MAF: variants seen among roughly 807,000 people sequenced by gnomAD.
The protein encoded by MAF is MAF bZIP transcription factor, also known as transcription factor Maf.
In MAF, 10 loss-of-function variants were observed where a neutral mutation model predicts 22.0. The observed-to-expected ratio is 0.45, with a 90% confidence interval of 0.28 to 0.77. The LOEUF (loss-of-function observed/expected upper bound fraction) is 0.77. MAF is among the 30% of genes least tolerant of loss of function. MAF has a pLI of 0.12. For synonymous variants in MAF, 337 were observed against 255.8 expected (o/e 1.32, Z -3.03); for missense variants, 544 against 548.4 (o/e 0.99, Z 0.08).
At chr16:79,582,484 A>C (rs8048274), downstream of MAF, among the ~76,000 whole-genome samples, 44,292 of 152,142 alleles carry the variant, frequency 0.29, 7,281 homozygotes, top group East Asian at 0.48. Context: ...AAATAATACA[A>C]GTTTATATGG....
the MAF span, among the ~76,000 whole-genome samples, chr16:79,226,045 T>C: frequency 1.3e-5 from 2 of 152,138 alleles, no homozygotes; most frequent in African/African-American, 4.8e-5. Flanking sequence ...ACCCAAAGGA[T>C]TATAAATCAT....
At chr16:79,229,505 G>C in the MAF span, 1 of 152,094 alleles carries the variant, frequency 6.6e-6, no homozygotes, top group Non-Finnish European at 1.5e-5. Context: ...GAGAGCAAGG[G>C]ACTCATAAAA....
At chr16:79,467,620 G>C in the MAF span, among the ~76,000 whole-genome samples, 2 of 152,132 alleles carry the variant, frequency 1.3e-5, no homozygotes, top group Non-Finnish European at 2.9e-5. Context: ...GAGAGCAGCA[G>C]CATCAACATT....
At chr16:79,495,941 A>C in the MAF span, among the ~76,000 whole-genome samples, 12 of 152,284 alleles carry the variant, frequency 7.9e-5, no homozygotes, top group African/African-American at 2.2e-4. Context: ...ACACACACAA[A>C]ATAATTAAAA....
the MAF span, among the ~76,000 whole-genome samples, chr16:79,286,577 TACTTCTTTCACTC>T: frequency 6.6e-6 from 1 of 152,184 alleles, no homozygotes; most frequent in Non-Finnish European, 1.5e-5. Context: ...TGAACAATAA[TACTTCTTTCACTC>T]ACTTTTTTCA....
At chr16:79,286,001 C>T in the MAF span, among the ~76,000 whole-genome samples, 13 of 152,114 alleles carry the variant, frequency 8.5e-5, no homozygotes, top group African/African-American at 2.7e-4. Flanking sequence ...GTGTTTAAAC[C>T]CTGGCCCTAC....
At chr16:79,231,933 A>G in the MAF span, among the ~76,000 whole-genome samples, 5 of 152,062 alleles carry the variant, frequency 3.3e-5, no homozygotes, top group Admixed American at 2.0e-4. Context: ...GGAAGCAGTG[A>G]CAGATCATCA....
At chr16:79,484,692 G>A in the MAF span, among the ~76,000 whole-genome samples, 2 of 152,200 alleles carry the variant, frequency 1.3e-5, no homozygotes. Context: ...TCACAAAAGG[G>A]CCAGGGTGGG....
the MAF span, among the ~76,000 whole-genome samples, chr16:79,508,376 G>A: frequency 6.6e-6 from 1 of 152,104 alleles, no homozygotes; most frequent in Admixed American, 6.6e-5. Context: ...CCTCTCTGTG[G>A]GGTCTCCACT....
the MAF span, among the ~76,000 whole-genome samples, chr16:79,253,651 G>T: frequency 0.14 from 21,319 of 151,850 alleles, 1,558 homozygotes; most frequent in Middle Eastern, 0.21. Flanking sequence ...TTCATCTTGG[G>T]CTCCACTGAG....
chr16:79,535,275 G>A, the MAF span, among the ~76,000 whole-genome samples: 1 of 151,874 alleles, frequency 6.6e-6, no homozygotes, highest in African/African-American at 2.4e-5. Flanking sequence ...GGCTGTGGAT[G>A]GCGCCTCGGT....
the MAF span, among the ~76,000 whole-genome samples, chr16:79,450,255 T>C: frequency 3.3e-5 from 5 of 152,212 alleles, no homozygotes; most frequent in African/African-American, 1.2e-4. Context: ...ATTGTGATTG[T>C]TTAGGTCATT....
chr16:79,500,080 C>T, the MAF span, among the ~76,000 whole-genome samples: 3 of 152,194 alleles, frequency 2.0e-5, no homozygotes, highest in Non-Finnish European at 2.9e-5. Context: ...AAGCACCGGA[C>T]CTTTGCCTGG....
chr16:79,352,703 G>T, the MAF span, among the ~76,000 whole-genome samples: 1 of 152,142 alleles, frequency 6.6e-6, no homozygotes, highest in East Asian at 1.9e-4. Flanking sequence ...AACAGGGCAG[G>T]GCTTCTCGGC....
chr16:79,363,036 C>A, the MAF span, among the ~76,000 whole-genome samples: 6 of 152,102 alleles, frequency 3.9e-5, no homozygotes, highest in African/African-American at 1.2e-4. Flanking sequence ...AGAAACTGCC[C>A]TCACTTCTTT....
chr16:79,405,097 C>T, the MAF span, among the ~76,000 whole-genome samples: 1 of 152,160 alleles, frequency 6.6e-6, no homozygotes, highest in Non-Finnish European at 1.5e-5. Context: ...ACTCAATGAT[C>T]TCGAATACTC....
chr16:79,288,388 G>A, the MAF span, among the ~76,000 whole-genome samples: 1 of 152,148 alleles, frequency 6.6e-6, no homozygotes, highest in Non-Finnish European at 1.5e-5. Context: ...TCCCGAGGCT[G>A]CCATGCTGTG....
At chr16:79,555,428 A>T in the MAF span, among the ~76,000 whole-genome samples, 2 of 152,198 alleles carry the variant, frequency 1.3e-5, no homozygotes, top group Non-Finnish European at 2.9e-5. Context: ...TTTAATAGGC[A>T]AGTCTTTGAC....
the MAF span, among the ~76,000 whole-genome samples, chr16:79,305,515 G>A: frequency 6.6e-6 from 1 of 152,172 alleles, no homozygotes. Context: ...GTTCACAGCT[G>A]AGGGTCTGCA....
Sources: allele counts gnomAD v4.1 joint callset (sites outside exome capture counted in the v4.1 genomes callset), GRCh38; gene constraint gnomAD v4.1.1; transcripts MANE v1.5; gene names NCBI Gene and HGNC (gene_info 2026-07-23, HGNC 2026-07-21).